MGST2: variants seen among roughly 807,000 people sequenced by gnomAD.
MGST2 encodes the protein glutathione peroxidase MGST2.
A neutral mutation model predicts 16.6 loss-of-function variants in MGST2; 9 were observed. The ratio of observed to expected loss-of-function variants is 0.54; its 90% CI spans 0.33 to 0.95. The LOEUF (loss-of-function observed/expected upper bound fraction) is 0.95. Ranked by LOEUF, MGST2 falls within the 40% of genes least tolerant of loss-of-function variation. The probability of loss-of-function intolerance (pLI) is 0.03; values close to 1 mark genes in which losing one functional copy is unlikely to be tolerated. For synonymous variants in MGST2, 79 were observed against 68.0 expected (o/e 1.16, Z -0.79); for missense variants, 159 against 175.1 (o/e 0.91, Z 0.52).
At chr4:139,733,572 A>C (rs1054976268) in intron 5 of MGST2, among the ~76,000 whole-genome samples, 11 of 152,206 alleles carry the variant, frequency 7.2e-5, no homozygotes, top group African/African-American at 2.6e-4. Context: ...AAAAAAAAAA[A>C]AAACCCTCCC....
At chr4:139,733,540 C>A (rs1667279656) in intron 5 of MGST2, among the ~76,000 whole-genome samples, 1 of 138,194 alleles carries the variant, frequency 7.2e-6, no homozygotes, top group African/African-American at 2.7e-5. Context: ...AGAAGAAATA[C>A]TTCAAAAGCA....
At chr4:139,739,930 A>G (rs1187272171) in intron 5 of MGST2, among the ~76,000 whole-genome samples, 1 of 152,174 alleles carries the variant, frequency 6.6e-6, no homozygotes, top group African/African-American at 2.4e-5. Context: ...GGCCCAGGTT[A>G]TGTCTGGGAC....
intron 5 of MGST2, among the ~76,000 whole-genome samples, chr4:139,716,153 A>C (rs1163170012): frequency 6.6e-6 from 1 of 151,986 alleles, no homozygotes; most frequent in East Asian, 1.9e-4. Context: ...TGTTCAGACA[A>C]GTCAACTGGG....
chr4:139,709,068 A>AC (rs1352919165), downstream of MGST2, among the ~76,000 whole-genome samples: 3 of 61,404 alleles, frequency 4.9e-5, no homozygotes, highest in Non-Finnish European at 1.2e-4. Context: ...GACAATGGAA[A>AC]AAATTTTTTT....
At chr4:139,719,391 A>G (rs1357707644) in intron 5 of MGST2, 1 of 1,613,304 alleles carries the variant, frequency 6.2e-7, no homozygotes. Context: ...TTGATGATGG[A>G]GTCCACAAGG....
chr4:139,752,140 G>A, the MGST2 span, among the ~76,000 whole-genome samples: 2 of 152,178 alleles, frequency 1.3e-5, no homozygotes, highest in African/African-American at 4.8e-5. Flanking sequence ...ATGGCTATCT[G>A]TAGGTTCTCC....
downstream of MGST2, among the ~76,000 whole-genome samples, chr4:139,709,071 A>AAT (rs755140695): frequency 0.077 from 6,318 of 81,990 alleles, 816 homozygotes; most frequent in East Asian, 0.1. Flanking sequence ...AATGGAAAAA[A>AAT]TTTTTTTTTT....
At chr4:139,752,905 CAG>C in the MGST2 span, among the ~76,000 whole-genome samples, 7 of 152,240 alleles carry the variant, frequency 4.6e-5, no homozygotes, top group South Asian at 6.2e-4. Flanking sequence ...GAAGAGCTAA[CAG>C]GGGGAAAGAA....
rs550616670 is a variant in MGST2, at chr4:139,699,760, G to A, written c.230-3695G>A. On this transcript the variant is annotated intron_variant, in intron 3 of 4. Transcript: ENST00000265498. Reference sequence around the variant, plus strand: ...ATTCACATTAATAATTATAGCTGGCGAGGCCCAGAAGCTTATGCCTGTAAT... The same window carrying A: ...ATTCACATTAATAATTATAGCTGGCAAGGCCCAGAAGCTTATGCCTGTAAT... Among the ~76,000 whole-genome samples, 36 of 152,284 alleles carry A rather than the reference G, an allele frequency of 2.4e-4. 1 individual carries two copies. In the South Asian group the frequency reaches 4.6e-3, roughly 19 times the overall value.
intron 2 of MGST2, among the ~76,000 whole-genome samples, chr4:139,680,207 A>G (rs2874293): frequency 0.24 from 36,793 of 151,988 alleles, 4,934 homozygotes; most frequent in African/African-American, 0.34. Context: ...TCACTCTGTT[A>G]GGTTAAATCA....
At chr4:139,666,719 A>G (rs1303269624) in intron 1 of MGST2, among the ~76,000 whole-genome samples, 1 of 152,186 alleles carries the variant, frequency 6.6e-6, no homozygotes, top group Non-Finnish European at 1.5e-5. Context: ...TATCTTACCT[A>G]CAATGTCAGC....
chr4:139,751,952 G>A, the MGST2 span, among the ~76,000 whole-genome samples: 2 of 152,300 alleles, frequency 1.3e-5, no homozygotes, highest in African/African-American at 4.8e-5. Flanking sequence ...CATATAAAAG[G>A]AAGCCTGTAT....
intron 2 of MGST2, among the ~76,000 whole-genome samples, chr4:139,683,929 T>TG (rs1419980492): frequency 2.1e-5 from 3 of 145,612 alleles, no homozygotes; most frequent in African/African-American, 7.6e-5. Flanking sequence ...GTTTTTTTTT[T>TG]TTTTTTTTTT....
intron 5 of MGST2, among the ~76,000 whole-genome samples, chr4:139,711,835 G>C (rs1356308687): frequency 2.0e-5 from 3 of 152,084 alleles, no homozygotes; most frequent in Non-Finnish European, 4.4e-5. Context: ...TTAATCCTAA[G>C]GGTTGCAGAG....
chr4:139,701,911 G>A (rs1230395410), intron 3 of MGST2, among the ~76,000 whole-genome samples: 3 of 151,678 alleles, frequency 2.0e-5, no homozygotes, highest in African/African-American at 4.8e-5. Context: ...AAGCTGTGCT[G>A]AGCTGTGATC....
intron 5 of MGST2, among the ~76,000 whole-genome samples, chr4:139,721,904 G>A (rs1728250088): frequency 6.6e-5 from 10 of 151,918 alleles, no homozygotes; most frequent in Admixed American, 6.6e-4. Flanking sequence ...AATTTTTATC[G>A]GCTGCATGGC....
At chr4:139,712,512 T>A (rs1171601911) in intron 5 of MGST2, among the ~76,000 whole-genome samples, 1 of 152,230 alleles carries the variant, frequency 6.6e-6, no homozygotes, top group Non-Finnish European at 1.5e-5. Context: ...GCAAGGATAA[T>A]TATTTTTCAC....
chr4:139,749,566 C>T, the MGST2 span, among the ~76,000 whole-genome samples: 4 of 152,252 alleles, frequency 2.6e-5, no homozygotes, highest in South Asian at 4.2e-4. Context: ...TGGGGGGCGC[C>T]GATCAGAGAA....
At chr4:139,684,522 T>C (rs761819225) in intron 2 of MGST2, among the ~76,000 whole-genome samples, 5 of 152,204 alleles carry the variant, frequency 3.3e-5, no homozygotes, top group South Asian at 2.1e-4. Context: ...CAACTGGCTG[T>C]TAAGAAAGAG....
Sources: gnomAD v4.1 joint callset for allele counts (sites outside exome capture counted in the v4.1 genomes callset) on GRCh38, gnomAD v4.1.1 for gene constraint, MANE v1.5 for transcripts, NCBI Gene and HGNC (gene_info 2026-07-23, HGNC 2026-07-21) for gene names.